DLGAP1: variants seen among roughly 807,000 people sequenced by gnomAD.
DLGAP1 encodes DLG associated protein 1, also known as disks large-associated protein 1.
In DLGAP1, 11 loss-of-function variants were observed where a neutral mutation model predicts 90.8. The observed-to-expected ratio is 0.12, with a 90% CI of 0.08 to 0.20. The LOEUF (loss-of-function observed/expected upper bound fraction) is 0.20. DLGAP1 is among the 10% of genes least tolerant of loss of function. The probability of loss-of-function intolerance (pLI) is 1.00; values close to 1 mark genes in which losing one functional copy is unlikely to be tolerated. For synonymous variants in DLGAP1, 558 were observed against 540.7 expected (o/e 1.03, Z -0.44); for missense variants, 1,050 against 1,333.8 (o/e 0.79, Z 3.31).
At chr18:4,229,596 T>C (rs1331018913) in intron 1 of DLGAP1, among the ~76,000 whole-genome samples, 1 of 152,084 alleles carries the variant, frequency 6.6e-6, no homozygotes, top group African/African-American at 2.4e-5. Context: ...CTTCAATAAA[T>C]GGTGCTAGGA....
chr18:4,327,582 C>T (rs641867), intron 1 of DLGAP1, among the ~76,000 whole-genome samples: 149,810 of 152,180 alleles, frequency 0.98, 73,778 homozygotes, highest in Middle Eastern at 1. Flanking sequence ...TATTGAAATG[C>T]ATGTTGCACA....
chr18:4,012,429 T>G (rs1270993383), intron 2 of DLGAP1, among the ~76,000 whole-genome samples: 1 of 152,084 alleles, frequency 6.6e-6, no homozygotes, highest in Admixed American at 6.5e-5. Flanking sequence ...TGCCACTGTA[T>G]AACTGCACCA....
At position 4,439,064 on chromosome 18, in the gene DLGAP1, C is replaced by T. The variant is rs75454111; in HGVS notation, c.-267+15942G>A. 8.2e-3 allele frequency among the ~76,000 whole-genome samples: 1,248 copies of T among 152,320 alleles called. 14 individuals are homozygous for T. The highest frequency in any genetic ancestry group is 0.027 in the African/African-American group (1,141 of 41,578). On this transcript the variant is annotated intron_variant, in intron 1 of 12. Coordinates refer to ENST00000315677, the MANE Select transcript of DLGAP1 (RefSeq NM_004746.4). ...TCCTGCCTTGATGTTCCTTTGACAT[C>T]GCTGGTCCCCGCCCCAAAGGAGAGA...
chr18:3,714,661 T>C (rs868046886), intron 7 of DLGAP1, among the ~76,000 whole-genome samples: 48 of 149,764 alleles, frequency 3.2e-4, no homozygotes, highest in Middle Eastern at 6.9e-3. Flanking sequence ...TTTTTTTTTT[T>C]TTTAGAGGGA....
In DLGAP1 at chr18:3,902,940, G is replaced by A. The variant is rs1599137700; in HGVS notation, c.-72-22800C>T. Among the ~76,000 whole-genome samples the A allele has an allele frequency of 2.0e-5, 3 of 151,940 alleles. 1 individual carries two copies. The South Asian group carries it at 6.2e-4, about 32-fold the overall frequency. On this transcript the variant is annotated intron_variant, in intron 3 of 12. Transcript: ENST00000315677. ...CAAATCCTGCCTCCATGAAACCTTC[G>A]CTGAGAGTGATCAGCTCTCTTAATT...
chr18:4,176,358 A>T (rs2144623950), intron 1 of DLGAP1, among the ~76,000 whole-genome samples: 1 of 152,326 alleles, frequency 6.6e-6, no homozygotes, highest in Middle Eastern at 3.4e-3. Context: ...CCTCTTCACT[A>T]GTCATACAGC....
At chr18:4,336,444 AGAAT>A (rs139121942) in intron 1 of DLGAP1, among the ~76,000 whole-genome samples, 30 of 152,336 alleles carry the variant, frequency 2.0e-4, no homozygotes, top group African/African-American at 7.2e-4. Context: ...ATTTGAAGAA[AGAAT>A]GAAAGAGAGG....
chr18:4,198,384 AATGAGCTCTG>A (rs1260507467), intron 1 of DLGAP1, among the ~76,000 whole-genome samples: 4 of 152,182 alleles, frequency 2.6e-5, no homozygotes, highest in Non-Finnish European at 4.4e-5. Flanking sequence ...CAATGAAAGC[AATGAGCTCTG>A]TCCCCAAAGG....
intron 3 of DLGAP1, among the ~76,000 whole-genome samples, chr18:3,992,613 G>C (rs1360341883): frequency 6.6e-6 from 1 of 152,164 alleles, no homozygotes; most frequent in African/African-American, 2.4e-5. Context: ...GAGAGGCAGA[G>C]GCTGCAGTGA....
At chr18:4,027,260 C>G (rs554227523) in intron 2 of DLGAP1, among the ~76,000 whole-genome samples, 1 of 151,852 alleles carries the variant, frequency 6.6e-6, no homozygotes, top group East Asian at 1.9e-4. Flanking sequence ...AATCCCAGCA[C>G]TTTGGGAGGC....
intron 5 of DLGAP1, among the ~76,000 whole-genome samples, chr18:3,809,660 T>A (rs2066733345): frequency 6.6e-6 from 1 of 152,216 alleles, no homozygotes; most frequent in East Asian, 1.9e-4. Context: ...GGGGAGAATT[T>A]TTCTTAGTGC....
chr18:4,290,550 G>C (rs1195688951), intron 1 of DLGAP1, among the ~76,000 whole-genome samples: 1 of 152,156 alleles, frequency 6.6e-6, no homozygotes, highest in Admixed American at 6.5e-5. Flanking sequence ...GGTCACTGTC[G>C]GGGAGAAGTT....
At chr18:3,567,131 G>A (rs1023418493) in intron 9 of DLGAP1, among the ~76,000 whole-genome samples, 11 of 152,026 alleles carry the variant, frequency 7.2e-5, no homozygotes, top group African/African-American at 2.7e-4. Flanking sequence ...TTAAGTGTTG[G>A]GAATAGAAAT....
intron 1 of DLGAP1, among the ~76,000 whole-genome samples, chr18:4,231,415 T>G (rs932026721): frequency 6.6e-6 from 1 of 152,144 alleles, no homozygotes; most frequent in Non-Finnish European, 1.5e-5. Flanking sequence ...GGATTTTGCC[T>G]GTGGGAAGTA....
chr18:3,579,214 C>T (rs866454369), intron 8 of DLGAP1, among the ~76,000 whole-genome samples: 36 of 152,088 alleles, frequency 2.4e-4, no homozygotes, highest in Admixed American at 2.2e-3. Context: ...ATAGTTAAAA[C>T]GGTCTTTCTT....
intron 7 of DLGAP1, among the ~76,000 whole-genome samples, chr18:3,622,524 C>T (rs538031688): frequency 2.0e-5 from 3 of 152,252 alleles, no homozygotes; most frequent in East Asian, 1.9e-4. Flanking sequence ...GTCCAGAATT[C>T]GGCTTCCAAG....
At chr18:4,290,520 T>C (rs371215156) in intron 1 of DLGAP1, among the ~76,000 whole-genome samples, 5 of 152,232 alleles carry the variant, frequency 3.3e-5, no homozygotes, top group Non-Finnish European at 5.9e-5. Flanking sequence ...TGCTCTTAAG[T>C]GCACAGATAG....
At chr18:3,668,666 C>T (rs1265125819) in intron 7 of DLGAP1, among the ~76,000 whole-genome samples, 1 of 152,138 alleles carries the variant, frequency 6.6e-6, no homozygotes, top group African/African-American at 2.4e-5. Context: ...TATCCTCAGT[C>T]GAAGCAGTGG....
In DLGAP1 at chr18:4,314,569, T is replaced by A. The variant is rs540630991; in HGVS notation, c.-267+140437A>T. 2.0e-3 allele frequency among the ~76,000 whole-genome samples: 304 copies of A among 152,338 alleles called. 2 individuals carry two copies. Among genetic ancestry groups the A allele is most frequent in the African/African-American group, 7.0e-3 (293 of 41,590 alleles). ...ATATCATATAATTAATTCTATAAAGTGATTTACAGCATGTATCTCTCTAAA... is the reference window on the plus strand; with the variant it reads ...ATATCATATAATTAATTCTATAAAGAGATTTACAGCATGTATCTCTCTAAA... On this transcript the variant is annotated intron_variant, in intron 1 of 12. Transcript: ENST00000315677.
Sources: allele counts gnomAD v4.1 joint callset (sites outside exome capture counted in the v4.1 genomes callset), GRCh38; gene constraint gnomAD v4.1.1; transcripts MANE v1.5; gene names NCBI Gene and HGNC (gene_info 2026-07-23, HGNC 2026-07-21).